Variants in POTEC observed in about 807,000 individuals in gnomAD.
The protein encoded by POTEC is POTE ankyrin domain family member C, also known as ANKRD26-like family B member 2.
Under a neutral mutation model 62.0 loss-of-function variants are expected in POTEC, and 35 were observed. The observed-to-expected ratio is 0.56, with a 90% CI of 0.43 to 0.75. The LOEUF (loss-of-function observed/expected upper bound fraction) is 0.75, where lower values mean the gene tolerates loss of function less well. POTEC is among the 30% of genes least tolerant of loss of function. The probability of loss-of-function intolerance (pLI) is 0.00; values close to 1 mark genes in which losing one functional copy is unlikely to be tolerated. For missense variants in POTEC, 472 were observed against 655.9 expected (o/e 0.72, Z 3.06); for synonymous variants, 156 against 221.5 (o/e 0.70, Z 2.62).
At position 14,543,220 on chromosome 18, in the gene POTEC, G is replaced by T; in HGVS notation, c.-74C>A. 10 of 1,585,168 alleles carry T rather than the reference G, an allele frequency of 6.3e-6. No individual in the cohort carries two copies. Among genetic ancestry groups the T allele is most frequent in the Non-Finnish European group, 8.6e-6 (10 of 1,161,358 alleles). On this transcript the variant is annotated 5_prime_UTR_variant, in exon 1 of 11. In the 5' UTR this introduces an upstream ATG that the reference lacks. Coordinates refer to ENST00000358970, the MANE Select transcript of POTEC (RefSeq NM_001137671.2). ...TACCAACCAGTTTCACCAACTAGCA[G>T]GAAACCCTGGGTTTCCAATCTGTTT...
Position 14,543,470 on chromosome 18 carries a change from C to A in POTEC, c.-324G>T. The A allele has an allele frequency of 2.0e-6, 1 of 502,614 alleles. No homozygotes were observed. The highest frequency in any genetic ancestry group is 3.6e-6 in the Non-Finnish European group (1 of 279,426). The allele number at this position is 502,614 out of a possible 1,614,324, so 31.1% of individuals were successfully genotyped here. On this transcript the variant is annotated 5_prime_UTR_variant, in exon 1 of 11. Transcript: ENST00000358970. Reference sequence around the variant, plus strand: ...AAAAGTCAAGCCCAGCAAAGGAATGCGAGGGAGGAAACGCCAATCCAAGCA... The same window carrying A: ...AAAAGTCAAGCCCAGCAAAGGAATGAGAGGGAGGAAACGCCAATCCAAGCA...
chr18:14,537,304 T>C (rs1905775788), intron 3 of POTEC, among the ~76,000 whole-genome samples: 1 of 151,924 alleles, frequency 6.6e-6, no homozygotes, highest in Admixed American at 6.6e-5. Flanking sequence ...TTGCTGCATT[T>C]TTCCCTTTCC....
At chr18:14,523,261 A>T (rs1910354336) in intron 8 of POTEC, among the ~76,000 whole-genome samples, 1 of 149,940 alleles carries the variant, frequency 6.7e-6, no homozygotes, top group Non-Finnish European at 1.5e-5. Context: ...ATTGTTCCAT[A>T]ATAATGAAAG....
intron 10 of POTEC, among the ~76,000 whole-genome samples, chr18:14,512,610 C>A (rs1418017277): frequency 3.3e-5 from 5 of 152,158 alleles, no homozygotes; most frequent in African/African-American, 1.2e-4. Context: ...AAGGAGAGGT[C>A]AAAAAATATA....
chr18:14,535,113 T>C, intron 3 of POTEC, 106 bp from the exon 4 acceptor site: 1 of 1,540,794 alleles, frequency 6.5e-7, no homozygotes, highest in African/African-American at 1.4e-5. Context: ...TAAATAAAAT[T>C]TGGTCACTTC....
At chr18:14,533,533 C>T (rs144489650) in intron 4 of POTEC, among the ~76,000 whole-genome samples, 1,540 of 152,122 alleles carry the variant, frequency 0.01, 30 homozygotes, top group South Asian at 0.058. Context: ...GTCACAGCTT[C>T]CCTAGACTGA....
In POTEC at chr18:14,509,564, G is replaced by C. The variant is rs578147224; in HGVS notation, c.*2334C>G. On this transcript the variant is annotated 3_prime_UTR_variant, in exon 11 of 11. Coordinates refer to ENST00000358970, the MANE Select transcript of POTEC (RefSeq NM_001137671.2). ...TTTCCATATAAAGGGCTGCAGTATG[G>C]AATGGTAATGTGCAGGCTAGTGCGT... The C allele has an allele frequency of 1.3e-5, 2 of 152,344 alleles. No homozygotes were observed. The highest frequency in any genetic ancestry group is 2.1e-4 in the South Asian group (1 of 4,830). The allele number at this position is 152,344 out of a possible 1,614,324, so 9.4% of individuals were successfully genotyped here.
chr18:14,517,263 G>C (rs989622268), intron 9 of POTEC, among the ~76,000 whole-genome samples: 1 of 152,118 alleles, frequency 6.6e-6, no homozygotes, highest in African/African-American at 2.4e-5. Context: ...TCTAACTTAT[G>C]AAAGAAATGA....
chr18:14,525,701 A>T (rs189120970), intron 6 of POTEC, among the ~76,000 whole-genome samples: 2,983 of 151,430 alleles, frequency 0.02, 96 homozygotes, highest in African/African-American at 0.068. Context: ...TTTTGATGCA[A>T]ATCCGCTGAG....
intron 9 of POTEC, among the ~76,000 whole-genome samples, chr18:14,518,205 G>A (rs1156699126): frequency 6.6e-6 from 1 of 152,082 alleles, no homozygotes; most frequent in Non-Finnish European, 1.5e-5. Context: ...TAGGCAGTGA[G>A]GATATTGTAG....
At chr18:14,534,495 T>C (rs1325386151) in intron 4 of POTEC, among the ~76,000 whole-genome samples, 1 of 151,936 alleles carries the variant, frequency 6.6e-6, no homozygotes, top group Non-Finnish European at 1.5e-5. Flanking sequence ...TCAACTCCTA[T>C]TTATGTTTAA....
intron 3 of POTEC, among the ~76,000 whole-genome samples, chr18:14,537,208 CACAAAAA>C (rs1159185245): frequency 1.5e-3 from 115 of 75,238 alleles, no homozygotes; most frequent in African/African-American, 9.4e-3. Flanking sequence ...CACACACACA[CACAAAAA>C]AAAAAAAAAA....
chr18:14,517,564 A>T (rs201375879), intron 9 of POTEC, among the ~76,000 whole-genome samples: 713 of 6,892 alleles, frequency 0.1, 5 homozygotes, highest in Middle Eastern at 0.17. Flanking sequence ...TTTTTTTTTT[A>T]AAATAAAATA....
chr18:14,528,927 T>G, intron 6 of POTEC: 2 of 454,362 alleles, frequency 4.4e-6, no homozygotes, highest in Non-Finnish European at 4.4e-6. Context: ...CTCAGCATCT[T>G]GCGTTTTGCA....
Position 14,542,991 on chromosome 18 carries a change from G to T in POTEC, c.156C>A (p.Ser52=). 1.5e-5 allele frequency: 24 copies of T among 1,612,984 alleles called. No homozygotes were observed. Among genetic ancestry groups the T allele is most frequent in the Non-Finnish European group, 2.0e-5 (24 of 1,179,410 alleles). The change falls in exon 1 of 11, where the codon TCC becomes TCA. Residue 52 remains serine (S), a synonymous_variant. Coordinates refer to ENST00000358970, the MANE Select transcript of POTEC (RefSeq NM_001137671.2). ...TCTTGCTCCTGAGCATCTTCATAAA[G>T]GAGTCGTCGTGGTCTCCAGAAGTGC... is the stretch of plus-strand genomic sequence containing the variant. ...NMGTSGDHDD[S]FMKMLRSKMG...
Position 14,521,121 on chromosome 18 carries a change from T to A in POTEC, c.1409+1133A>T, listed in dbSNP as rs1910296731. Among the ~76,000 whole-genome samples the A allele has an allele frequency of 2.6e-5, 4 of 152,298 alleles. No individual in the cohort carries two copies. The South Asian group carries it at 8.3e-4, about 32-fold the overall frequency. ...CACCCAATATACTCAAATGTTTATATTAAATATAGATCCCCATGTACAATC... is the reference window on the plus strand; with the variant it reads ...CACCCAATATACTCAAATGTTTATAATAAATATAGATCCCCATGTACAATC... On this transcript the variant is annotated intron_variant, in intron 9 of 10. Coordinates refer to ENST00000358970, the MANE Select transcript of POTEC (RefSeq NM_001137671.2).
chr18:14,538,005 A>G (rs1905805494), intron 2 of POTEC, 31 bp from the exon 3 acceptor site: 1 of 1,604,524 alleles, frequency 6.2e-7, no homozygotes, highest in Non-Finnish European at 8.5e-7. Context: ...ACAAATTATT[A>G]AGTCCTAGGA....
chr18:14,532,120 C>T (rs2143150542), intron 5 of POTEC, among the ~76,000 whole-genome samples: 1 of 151,882 alleles, frequency 6.6e-6, no homozygotes, highest in African/African-American at 2.4e-5. Context: ...GAAGAAGAAA[C>T]AAACACTGAT....
chr18:14,515,433 C>A (rs1189310043), intron 9 of POTEC, among the ~76,000 whole-genome samples: 1 of 152,010 alleles, frequency 6.6e-6, no homozygotes, highest in Admixed American at 6.6e-5. Context: ...GATACAAAAA[C>A]ATACACTGGA....
Sources: gnomAD v4.1 joint callset for allele counts (sites outside exome capture counted in the v4.1 genomes callset) on GRCh38, gnomAD v4.1.1 for gene constraint, MANE v1.5 for transcripts, NCBI Gene and HGNC (gene_info 2026-07-23, HGNC 2026-07-21) for gene names.